The following KGD4 variants were observed in gnomAD, a reference collection of about 807,000 sequenced individuals.
KGD4 encodes alpha-ketoglutarate dehydrogenase component 4.
the KGD4 span, chr5:69,217,878 C>T: frequency 1.9e-6 from 3 of 1,614,070 alleles, no homozygotes; most frequent in East Asian, 6.7e-5. Flanking sequence ...TCAGGTAAAG[C>T]AATTTGTCGC....
At chr5:69,220,764 A>T in the KGD4 span, among the ~76,000 whole-genome samples, 4 of 152,142 alleles carry the variant, frequency 2.6e-5, no homozygotes, top group African/African-American at 4.8e-5. Context: ...TGTGGGGAAA[A>T]GAAAGAGAGA....
At chr5:69,228,650 A>G in the KGD4 span, among the ~76,000 whole-genome samples, 1 of 152,170 alleles carries the variant, frequency 6.6e-6, no homozygotes, top group Admixed American at 6.5e-5. Flanking sequence ...TTCAGAGTGT[A>G]AAGAGCTTCT....
At chr5:69,220,908 C>T in the KGD4 span, among the ~76,000 whole-genome samples, 3 of 152,118 alleles carry the variant, frequency 2.0e-5, no homozygotes, top group East Asian at 1.9e-4. Flanking sequence ...CTCTCTGAAA[C>T]GTGCTGTGTC....
chr5:69,224,917 GA>G, the KGD4 span, among the ~76,000 whole-genome samples: 3 of 151,316 alleles, frequency 2.0e-5, no homozygotes, highest in Non-Finnish European at 4.4e-5. Context: ...TACTAAAAGT[GA>G]AAAAAACTAG....
the KGD4 span, among the ~76,000 whole-genome samples, chr5:69,220,047 T>C: frequency 6.6e-6 from 1 of 151,784 alleles, no homozygotes; most frequent in African/African-American, 2.4e-5. Flanking sequence ...CTGGGCAAAA[T>C]AGCAAGACCC....
chr5:69,226,575 G>A, the KGD4 span, among the ~76,000 whole-genome samples: 1 of 152,124 alleles, frequency 6.6e-6, no homozygotes, highest in African/African-American at 2.4e-5. Flanking sequence ...GGCTGGGAGC[G>A]GTGGCTCACG....
At chr5:69,224,321 G>A in the KGD4 span, among the ~76,000 whole-genome samples, 1 of 151,860 alleles carries the variant, frequency 6.6e-6, no homozygotes, top group Admixed American at 6.6e-5. Context: ...AACCTGGGAG[G>A]CGGAGGTTGC....
the KGD4 span, among the ~76,000 whole-genome samples, chr5:69,219,178 A>G: frequency 2.0e-5 from 3 of 152,214 alleles, no homozygotes; most frequent in African/African-American, 4.8e-5. Flanking sequence ...AACCCTCAAT[A>G]TTGCTGGTGG....
At chr5:69,227,494 T>C in the KGD4 span, among the ~76,000 whole-genome samples, 4 of 152,260 alleles carry the variant, frequency 2.6e-5, no homozygotes, top group East Asian at 3.9e-4. Flanking sequence ...CGCCCTTTTT[T>C]AAAAAAACCA....
the KGD4 span, among the ~76,000 whole-genome samples, chr5:69,224,988 C>T: frequency 1.3e-5 from 2 of 150,338 alleles, no homozygotes; most frequent in Non-Finnish European, 3.0e-5. Context: ...GCAGGAGAAT[C>T]GCTTGAACAC....
the KGD4 span, among the ~76,000 whole-genome samples, chr5:69,225,622 G>A: frequency 6.9e-6 from 1 of 144,896 alleles, no homozygotes; most frequent in Non-Finnish European, 1.5e-5. Flanking sequence ...CCAGGCTAGA[G>A]TGCAGTGGCA....
chr5:69,228,992 G>A, the KGD4 span, among the ~76,000 whole-genome samples: 1 of 139,544 alleles, frequency 7.2e-6, no homozygotes, highest in East Asian at 2.0e-4. Flanking sequence ...TCTAGCTTGG[G>A]CAAGAGTGAA....
At chr5:69,227,888 G>A in the KGD4 span, among the ~76,000 whole-genome samples, 9 of 152,196 alleles carry the variant, frequency 5.9e-5, no homozygotes, top group African/African-American at 1.9e-4. Context: ...TGGGATGGCT[G>A]GCAGGATGTT....
chr5:69,218,530 C>A, the KGD4 span, among the ~76,000 whole-genome samples: 1 of 150,646 alleles, frequency 6.6e-6, no homozygotes, highest in African/African-American at 2.5e-5. Context: ...CCTATTTTCC[C>A]CTGGTTTAGA....
At chr5:69,222,835 GGA>G in the KGD4 span, among the ~76,000 whole-genome samples, 2 of 151,052 alleles carry the variant, frequency 1.3e-5, no homozygotes, top group Non-Finnish European at 2.9e-5. Context: ...CACTCAGGCT[GGA>G]GTGCAGTGGC....
chr5:69,223,397 G>A, the KGD4 span, among the ~76,000 whole-genome samples: 7 of 136,554 alleles, frequency 5.1e-5, no homozygotes, highest in African/African-American at 1.6e-4. Context: ...TTTTAGCATG[G>A]AAGACTTGAG....
At chr5:69,219,497 G>A in the KGD4 span, among the ~76,000 whole-genome samples, 2 of 152,064 alleles carry the variant, frequency 1.3e-5, no homozygotes, top group African/African-American at 4.8e-5. Context: ...CTCTATGTCT[G>A]TCTTTTGCAT....
At chr5:69,229,090 A>G in the KGD4 span, 567 of 764,292 alleles carry the variant, frequency 7.4e-4, 3 homozygotes, top group Non-Finnish European at 1.0e-4. Flanking sequence ...ATTCAAAACT[A>G]TTTTTTAAAA....
the KGD4 span, chr5:69,228,418 G>T: frequency 3.2e-6 from 5 of 1,554,838 alleles, no homozygotes; most frequent in Non-Finnish European, 3.5e-6. Flanking sequence ...CCAAGACTAC[G>T]CAAAACACCA....
Sources: allele counts gnomAD v4.1 joint callset (sites outside exome capture counted in the v4.1 genomes callset), GRCh38; gene constraint gnomAD v4.1.1; transcripts MANE v1.5; gene names NCBI Gene and HGNC (gene_info 2026-07-23, HGNC 2026-07-21).